DLG2: variants seen among roughly 807,000 people sequenced by gnomAD.
The protein encoded by DLG2 is disks large homolog 2.
Under a neutral mutation model 132.5 loss-of-function variants are expected in DLG2, and 45 were observed. That is an observed-to-expected ratio of 0.34 (90% CI 0.27 to 0.44). The LOEUF (loss-of-function observed/expected upper bound fraction) is 0.44, where lower values mean the gene tolerates loss of function less well. DLG2 is among the 20% of genes least tolerant of loss of function. The pLI is 1.00. For missense variants in DLG2, 1,045 were observed against 1,196.9 expected (o/e 0.87, Z 1.87); for synonymous variants, 424 against 419.6 (o/e 1.01, Z -0.13).
At chr11:85,033,902 T>A (rs536811007) in intron 6 of DLG2, among the ~76,000 whole-genome samples, 1 of 151,978 alleles carries the variant, frequency 6.6e-6, no homozygotes, top group Non-Finnish European at 1.5e-5. Flanking sequence ...GAATTTTTGT[T>A]AAAAAAAATA....
At chr11:84,722,107 G>C (rs1463785370) in intron 6 of DLG2, among the ~76,000 whole-genome samples, 8 of 152,188 alleles carry the variant, frequency 5.3e-5, no homozygotes, top group Non-Finnish European at 1.2e-4. Context: ...ACAGCATCAT[G>C]AGAGACATAA....
chr11:83,598,998 A>G (rs1370456148), intron 19 of DLG2, among the ~76,000 whole-genome samples: 1 of 152,148 alleles, frequency 6.6e-6, no homozygotes, highest in African/African-American at 2.4e-5. Flanking sequence ...GCTTAGGCCT[A>G]GTTTAGGGCC....
intron 6 of DLG2, among the ~76,000 whole-genome samples, chr11:85,023,900 G>C (rs968933050): frequency 3.3e-5 from 5 of 152,060 alleles, no homozygotes; most frequent in African/African-American, 4.8e-5. Flanking sequence ...TGAAGTTTAT[G>C]GAGTTTAGAT....
chr11:84,752,968 T>C (rs1335149818), intron 6 of DLG2, among the ~76,000 whole-genome samples: 1 of 152,118 alleles, frequency 6.6e-6, no homozygotes, highest in African/African-American at 2.4e-5. Context: ...CAGTCTATCA[T>C]TGTTGGACAT....
chr11:84,948,623 G>T (rs2050526110), intron 6 of DLG2, among the ~76,000 whole-genome samples: 1 of 152,184 alleles, frequency 6.6e-6, no homozygotes, highest in Admixed American at 6.5e-5. Flanking sequence ...AGATTCAAGG[G>T]CTTCAATGTC....
At chr11:83,533,752 C>A (rs568015362) in intron 20 of DLG2, among the ~76,000 whole-genome samples, 1 of 152,108 alleles carries the variant, frequency 6.6e-6, no homozygotes, top group Non-Finnish European at 1.5e-5. Flanking sequence ...GTGAGGCTAG[C>A]GAGGTGACAG....
chr11:84,466,483 C>T (rs1346024984), intron 7 of DLG2, among the ~76,000 whole-genome samples: 1 of 151,292 alleles, frequency 6.6e-6, no homozygotes, highest in Middle Eastern at 3.4e-3. Context: ...GAGCAGAAGA[C>T]ACAAACGACT....
chr11:84,873,109 TGATTAAGCTAA>T (rs2085740099), intron 6 of DLG2, among the ~76,000 whole-genome samples: 2 of 152,220 alleles, frequency 1.3e-5, no homozygotes. Context: ...TTCATATACG[TGATTAAGCTAA>T]GGAGCTTAAC....
chr11:84,731,098 T>C (rs1326422367), intron 6 of DLG2, among the ~76,000 whole-genome samples: 6 of 152,082 alleles, frequency 3.9e-5, no homozygotes, highest in African/African-American at 7.2e-5. Flanking sequence ...TTGTATTACA[T>C]GAATGCTGGT....
chr11:85,009,801 A>G (rs2058997448), intron 6 of DLG2, among the ~76,000 whole-genome samples: 1 of 152,078 alleles, frequency 6.6e-6, no homozygotes, highest in Non-Finnish European at 1.5e-5. Flanking sequence ...CAGCAATTAG[A>G]GTTTACATAG....
At chr11:85,322,791 G>T (rs1298168863) in intron 3 of DLG2, among the ~76,000 whole-genome samples, 2 of 151,976 alleles carry the variant, frequency 1.3e-5, no homozygotes, top group Non-Finnish European at 2.9e-5. Context: ...CAATTATGAA[G>T]TCTATAGATC....
intron 10 of DLG2, among the ~76,000 whole-genome samples, chr11:84,091,595 A>AG (rs1453293551): frequency 6.6e-6 from 1 of 152,204 alleles, no homozygotes; most frequent in African/African-American, 2.4e-5. Context: ...GCCCAGTTTA[A>AG]GGGAATTTTA....
chr11:83,512,834 C>A, intron 21 of DLG2, among the ~76,000 whole-genome samples: 1 of 152,164 alleles, frequency 6.6e-6, no homozygotes, highest in Non-Finnish European at 1.5e-5. Context: ...TTTCCAGCTT[C>A]ATCCATGTCC....
intron 3 of DLG2, among the ~76,000 whole-genome samples, chr11:85,496,041 G>A (rs563204451): frequency 6.6e-6 from 1 of 152,254 alleles, no homozygotes; most frequent in South Asian, 2.1e-4. Context: ...CATCTCATTG[G>A]GACTGGTTGG....
At chr11:84,839,753 T>C (rs367633585) in intron 6 of DLG2, among the ~76,000 whole-genome samples, 2 of 152,098 alleles carry the variant, frequency 1.3e-5, no homozygotes, top group Non-Finnish European at 2.9e-5. Flanking sequence ...GATTCCCTAT[T>C]TAATAAATGA....
chr11:83,828,619 C>T (rs757225350), intron 17 of DLG2, among the ~76,000 whole-genome samples: 7 of 152,190 alleles, frequency 4.6e-5, no homozygotes, highest in African/African-American at 7.2e-5. Flanking sequence ...CCTGCTGTTT[C>T]AGTGTTCTAC....
In DLG2 at chr11:84,502,160, TTCTC is replaced by T. The variant is rs1555630647; in HGVS notation, c.519+32406_519+32409del. The stretch of plus-strand genomic sequence containing the variant: ...TCCTTTCTTTCCTTCCTTCCTTCCT[TTCTC>T]TCTCTCTCTCTTTCTCTCTCTTTCT... On this transcript the variant is annotated intron_variant, in intron 7 of 27. Coordinates refer to ENST00000376104, the MANE Select transcript of DLG2 (RefSeq NM_001142699.3). Among the ~76,000 whole-genome samples, 3 of 41,266 alleles carry T rather than the reference TTCTC, an allele frequency of 7.3e-5. 1 individual carries two copies. Among genetic ancestry groups the T allele is most frequent in the Non-Finnish European group, 4.7e-5 (1 of 21,288 alleles). 27.1% of individuals were successfully genotyped at this position (41,266 alleles called of 152,430 possible). A position where few individuals can be genotyped will look rare whatever the true frequency, so the allele number is the denominator to read the frequency against.
intron 16 of DLG2, among the ~76,000 whole-genome samples, chr11:83,860,234 T>G (rs1455175519): frequency 6.6e-6 from 1 of 152,144 alleles, no homozygotes; most frequent in African/African-American, 2.4e-5. Context: ...CCCAGAATGA[T>G]AGATCCACTG....
rs549339638 is a variant in DLG2 at position 84,907,983 on chromosome 11, C to T, written c.357+203678G>A. 1.5e-4 allele frequency among the ~76,000 whole-genome samples: 23 copies of T among 152,236 alleles called. No individual in the cohort carries two copies. In the South Asian group the frequency reaches 4.6e-3, roughly 30 times the overall value. Reference sequence around the variant, plus strand: ...GACTACAGAGCTAGAAAGATTCTTACCCATCCTATCTGTCTTTCTCAAGAT... The same window carrying T: ...GACTACAGAGCTAGAAAGATTCTTATCCATCCTATCTGTCTTTCTCAAGAT... On this transcript the variant is annotated intron_variant, in intron 6 of 27. Coordinates refer to ENST00000376104, the MANE Select transcript of DLG2 (RefSeq NM_001142699.3).
Sources: gnomAD v4.1 joint callset for allele counts (sites outside exome capture counted in the v4.1 genomes callset) on GRCh38, gnomAD v4.1.1 for gene constraint, MANE v1.5 for transcripts, NCBI Gene and HGNC (gene_info 2026-07-23, HGNC 2026-07-21) for gene names.